POU2F1: variants seen among roughly 807,000 people sequenced by gnomAD.
The protein encoded by POU2F1 is POU class 2 homeobox 1, also known as POU domain, class 2, transcription factor 1.
A neutral mutation model predicts 84.9 loss-of-function variants in POU2F1; 16 were observed. The ratio of observed to expected loss-of-function variants is 0.19; its 90% CI spans 0.13 to 0.29. The LOEUF (loss-of-function observed/expected upper bound fraction) is 0.29, where lower values mean the gene tolerates loss of function less well. POU2F1 is among the 10% of genes least tolerant of loss of function. POU2F1 has a pLI of 1.00. For missense variants in POU2F1, 738 were observed against 942.6 expected (o/e 0.78, Z 2.84); for synonymous variants, 368 against 368.3 (o/e 1.00, Z 0.01).
intron 1 of POU2F1, chr1:167,258,008 G>A (rs978986600): frequency 5.9e-5 from 9 of 151,952 alleles, no homozygotes; most frequent in African/African-American, 2.2e-4. Flanking sequence ...AGAGGTAGAT[G>A]TTTTTAACTT....
At chr1:167,394,445 T>C (rs539620838) in intron 9 of POU2F1, among the ~76,000 whole-genome samples, 81 of 152,240 alleles carry the variant, frequency 5.3e-4, no homozygotes, top group Admixed American at 1.2e-3. Context: ...CACCACTGAT[T>C]CTGATTCTTG....
Position 167,420,732 on chromosome 1 carries a change from AG to A in POU2F1, c.*4925del, listed in dbSNP as rs1228123028. Reference sequence around the variant, plus strand: ...GCTGACTCACTGTATCACTGAGTGTAGGGTGTGGTAGCAAGGAGGAGGCAGG... The same window carrying A: ...GCTGACTCACTGTATCACTGAGTGTAGGTGTGGTAGCAAGGAGGAGGCAGG... On this transcript the variant is annotated 3_prime_UTR_variant, in exon 16 of 16. Coordinates refer to ENST00000367866, the MANE Select transcript of POU2F1 (RefSeq NM_002697.4). 6.6e-6 allele frequency: 1 copy of A among 152,218 alleles called. No individual in the cohort carries two copies. Among genetic ancestry groups the A allele is most frequent in the Non-Finnish European group, 1.5e-5 (1 of 68,058 alleles). The allele number at this position is 152,218 out of a possible 1,614,324, so 9.4% of individuals were successfully genotyped here.
intron 1 of POU2F1, among the ~76,000 whole-genome samples, chr1:167,309,845 A>T (rs970585300): frequency 1.1e-4 from 17 of 152,322 alleles, no homozygotes; most frequent in African/African-American, 4.1e-4. Flanking sequence ...GATTATTTTT[A>T]ATTTCAACGC....
At chr1:167,329,213 C>A in intron 1 of POU2F1, 1 of 1,536,964 alleles carries the variant, frequency 6.5e-7, no homozygotes, top group South Asian at 1.2e-5. Flanking sequence ...CTTCTTTCCC[C>A]ACCCCAAACT....
At chr1:167,294,443 C>T (rs2102544852) in intron 1 of POU2F1, among the ~76,000 whole-genome samples, 1 of 152,274 alleles carries the variant, frequency 6.6e-6, no homozygotes, top group East Asian at 1.9e-4. Flanking sequence ...CAAAAAACTT[C>T]TGCACAGCAA....
chr1:167,290,351 C>T (rs1412987491), intron 1 of POU2F1, among the ~76,000 whole-genome samples: 1 of 152,082 alleles, frequency 6.6e-6, no homozygotes, highest in East Asian at 1.9e-4. Context: ...GGGCAGTGAT[C>T]GTGCCATTGC....
chr1:167,253,079 G>T lies in POU2F1; in HGVS notation c.61+32121G>T, dbSNP rs117019283. On this transcript the variant is annotated intron_variant, in intron 1 of 15. Transcript: ENST00000367866. ...ACAATGCATATTTTAAAATGAGATG[G>T]CCCAAAGAGCATGCTATGATGAATT... Among the ~76,000 whole-genome samples the T allele has an allele frequency of 3.3e-4, 51 of 152,260 alleles. 1 individual carries two copies. The East Asian group carries it at 9.4e-3, about 28-fold the overall frequency.
intron 7 of POU2F1, among the ~76,000 whole-genome samples, chr1:167,382,623 A>ACTTAGGGAGG (rs1557944459): frequency 2.6e-5 from 4 of 152,146 alleles, no homozygotes; most frequent in African/African-American, 9.7e-5. Context: ...CTATAGGGAG[A>ACTTAGGGAGG]CACTTGGGGA....
intron 1 of POU2F1, among the ~76,000 whole-genome samples, chr1:167,271,020 C>T (rs1485153530): frequency 6.6e-6 from 1 of 152,150 alleles, no homozygotes; most frequent in Non-Finnish European, 1.5e-5. Flanking sequence ...TTGTACCTTT[C>T]CAAGCCAGTG....
intron 1 of POU2F1, among the ~76,000 whole-genome samples, chr1:167,231,114 A>G (rs1377331262): frequency 6.6e-6 from 1 of 152,238 alleles, no homozygotes; most frequent in Non-Finnish European, 1.5e-5. Flanking sequence ...TTGGATCCTT[A>G]TTCTGCTTTT....
chr1:167,279,280 A>G (rs890995149), intron 1 of POU2F1, among the ~76,000 whole-genome samples: 1 of 152,220 alleles, frequency 6.6e-6, no homozygotes, highest in African/African-American at 2.4e-5. Flanking sequence ...ATGTAATGCA[A>G]CTGACCTCTG....
intron 1 of POU2F1, among the ~76,000 whole-genome samples, chr1:167,286,346 G>A (rs1653525242): frequency 6.6e-6 from 1 of 152,176 alleles, no homozygotes; most frequent in East Asian, 1.9e-4. Context: ...TATCCTCATT[G>A]CTCCTGAGTT....
intron 2 of POU2F1, among the ~76,000 whole-genome samples, chr1:167,344,971 G>GA (rs1557911383): frequency 6.6e-6 from 1 of 152,016 alleles, no homozygotes; most frequent in Non-Finnish European, 1.5e-5. Context: ...AACAGAAAAC[G>GA]AAACACCACA....
chr1:167,388,653 G>T (rs566316402), intron 8 of POU2F1, among the ~76,000 whole-genome samples: 1 of 152,242 alleles, frequency 6.6e-6, no homozygotes, highest in East Asian at 1.9e-4. Flanking sequence ...TAAGTCAGTG[G>T]TAGTGCTTAA....
At chr1:167,235,489 G>A (rs1015359445) in intron 1 of POU2F1, among the ~76,000 whole-genome samples, 3 of 152,150 alleles carry the variant, frequency 2.0e-5, no homozygotes, top group African/African-American at 4.8e-5. Flanking sequence ...AGCCATTGCC[G>A]GCTTATGCTG....
intron 1 of POU2F1, among the ~76,000 whole-genome samples, chr1:167,308,286 C>G (rs1318787732): frequency 6.6e-6 from 1 of 151,958 alleles, no homozygotes; most frequent in Non-Finnish European, 1.5e-5. Flanking sequence ...ATTCTGGTCT[C>G]GAACTCCCAA....
At chr1:167,388,023 A>G (rs774852002) in intron 8 of POU2F1, among the ~76,000 whole-genome samples, 12 of 152,210 alleles carry the variant, frequency 7.9e-5, no homozygotes, top group Non-Finnish European at 1.6e-4. Flanking sequence ...CCAAATGACA[A>G]TTTAAAGGTT....
At chr1:167,344,465 A>G (rs1226585899) in intron 2 of POU2F1, among the ~76,000 whole-genome samples, 5 of 152,006 alleles carry the variant, frequency 3.3e-5, no homozygotes, top group East Asian at 3.9e-4. Flanking sequence ...AATGTAAGCA[A>G]CTCTTTTCAT....
At chr1:167,286,463 G>C (rs780592924) in intron 1 of POU2F1, among the ~76,000 whole-genome samples, 10 of 152,120 alleles carry the variant, frequency 6.6e-5, no homozygotes, top group South Asian at 2.1e-4. Flanking sequence ...AAAATATAGA[G>C]AGCATAGTGA....
Sources: gnomAD v4.1 joint callset for allele counts (sites outside exome capture counted in the v4.1 genomes callset) on GRCh38, gnomAD v4.1.1 for gene constraint, MANE v1.5 for transcripts, NCBI Gene and HGNC (gene_info 2026-07-23, HGNC 2026-07-21) for gene names.